The following TUSC3 variants were observed in gnomAD, a reference collection of about 807,000 sequenced individuals.
The protein encoded by TUSC3 is dolichyl-diphosphooligosaccharide--protein glycosyltransferase subunit TUSC3.
In TUSC3, 45 loss-of-function variants were observed where a neutral mutation model predicts 44.8. The observed-to-expected ratio is 1.00, with a 90% CI of 0.79 to 1.29. TUSC3 has a LOEUF of 1.29. Among genes scored for constraint, TUSC3 ranks in the 50% most tolerant of loss-of-function variants. The pLI is 0.00. For missense variants in TUSC3, 519 were observed against 437.9 expected (o/e 1.19, Z -1.65); for synonymous variants, 212 against 152.9 (o/e 1.39, Z -2.85).
intron 2 of TUSC3, among the ~76,000 whole-genome samples, chr8:15,646,961 G>A (rs1247109395): frequency 6.6e-6 from 1 of 151,488 alleles, no homozygotes; most frequent in African/African-American, 2.4e-5. Flanking sequence ...TGTGTTTTTT[G>A]TTCATTACCT....
the TUSC3 span, among the ~76,000 whole-genome samples, chr8:15,828,999 G>C: frequency 6.6e-6 from 1 of 152,138 alleles, no homozygotes; most frequent in African/African-American, 2.4e-5. Flanking sequence ...TCCAATTCTA[G>C]CAGAGTTCCT....
At chr8:15,847,006 A>G in the TUSC3 span, among the ~76,000 whole-genome samples, 125 of 152,266 alleles carry the variant, frequency 8.2e-4, 1 homozygote, top group Middle Eastern at 0.017. Context: ...TGATTTCAAA[A>G]GGAGTCTCTG....
At chr8:15,724,313 C>G (rs1011908745) in intron 6 of TUSC3, among the ~76,000 whole-genome samples, 2 of 152,032 alleles carry the variant, frequency 1.3e-5, no homozygotes, top group Non-Finnish European at 2.9e-5. Flanking sequence ...GGCAACCAAG[C>G]AGACTAAGAC....
intron 1 of TUSC3, among the ~76,000 whole-genome samples, chr8:15,425,326 C>T (rs1392993965): frequency 1.3e-5 from 2 of 152,118 alleles, no homozygotes; most frequent in African/African-American, 4.8e-5. Context: ...TTCTTTTTCG[C>T]CCTTAAGAAT....
At chr8:15,662,964 G>C (rs1005037011) in intron 5 of TUSC3, among the ~76,000 whole-genome samples, 2 of 151,850 alleles carry the variant, frequency 1.3e-5, no homozygotes, top group African/African-American at 4.8e-5. Context: ...CATAAGTGAA[G>C]CCTGGGATAT....
At chr8:15,633,398 C>T (rs998231752) in intron 2 of TUSC3, among the ~76,000 whole-genome samples, 11 of 152,086 alleles carry the variant, frequency 7.2e-5, no homozygotes, top group Non-Finnish European at 1.2e-4. Flanking sequence ...AAATTTCTTA[C>T]CTCCTGTTAT....
In TUSC3 at chr8:15,653,485, A is replaced by G. The variant is rs139925010; in HGVS notation, c.426+2671A>G. On this transcript the variant is annotated intron_variant, in intron 3 of 10. Coordinates refer to ENST00000503731, the MANE Select transcript of TUSC3 (RefSeq NM_006765.4). ...ACATATAATCATTAAATTCTTTTGTATGCTTTAGACATAATTATTCTAAAG... is the reference window on the plus strand; with the variant it reads ...ACATATAATCATTAAATTCTTTTGTGTGCTTTAGACATAATTATTCTAAAG... Among the ~76,000 whole-genome samples, 707 of 152,298 alleles carry G rather than the reference A, an allele frequency of 4.6e-3. 5 individuals are homozygous for G. The highest frequency in any genetic ancestry group is 0.016 in the African/African-American group (681 of 41,572).
intron 6 of TUSC3, among the ~76,000 whole-genome samples, chr8:15,690,203 A>G (rs776663201): frequency 1.4e-4 from 21 of 152,086 alleles, no homozygotes; most frequent in Admixed American, 2.6e-4. Flanking sequence ...TTTAATAGGC[A>G]TTCTGATTGG....
At chr8:15,657,055 G>C (rs1380847499) in intron 3 of TUSC3, among the ~76,000 whole-genome samples, 1 of 152,090 alleles carries the variant, frequency 6.6e-6, no homozygotes, top group Admixed American at 6.5e-5. Context: ...AGATACCCCA[G>C]GTTTTCCCCC....
chr8:15,612,513 T>C (rs1278115237), intron 1 of TUSC3, among the ~76,000 whole-genome samples: 1 of 152,126 alleles, frequency 6.6e-6, no homozygotes, highest in East Asian at 1.9e-4. Context: ...TGAGAAAAAA[T>C]GGAGTGGTGT....
chr8:15,755,467 G>A (rs1585307787), intron 9 of TUSC3, among the ~76,000 whole-genome samples: 1 of 152,174 alleles, frequency 6.6e-6, no homozygotes, highest in Admixed American at 6.5e-5. Context: ...ATAGTTGCAT[G>A]ATTCAGTTGA....
intron 1 of TUSC3, among the ~76,000 whole-genome samples, chr8:15,601,314 A>G (rs1804280645): frequency 1.3e-5 from 2 of 151,600 alleles, no homozygotes; most frequent in Non-Finnish European, 3.0e-5. Context: ...ATTTCCTCAA[A>G]CTGTTCTGTG....
chr8:15,631,665 C>CTAT (rs1805768274), intron 2 of TUSC3, among the ~76,000 whole-genome samples: 1 of 127,750 alleles, frequency 7.8e-6, no homozygotes, highest in East Asian at 2.3e-4. Flanking sequence ...GAGTTTAAGG[C>CTAT]TGTTGTGTGT....
chr8:15,457,825 T>TAA (rs34120976), intron 1 of TUSC3, among the ~76,000 whole-genome samples: 1 of 143,682 alleles, frequency 7.0e-6, no homozygotes, highest in African/African-American at 2.5e-5. Context: ...AGATAATTAA[T>TAA]TATTAATAAA....
intron 1 of TUSC3, among the ~76,000 whole-genome samples, chr8:15,457,548 A>G (rs1341467687): frequency 1.3e-5 from 2 of 151,088 alleles, no homozygotes; most frequent in Non-Finnish European, 3.0e-5. Flanking sequence ...TAATTACGCA[A>G]TCATGAGAAC....
chr8:15,582,281 C>A (rs138815751), intron 1 of TUSC3, among the ~76,000 whole-genome samples: 3 of 152,170 alleles, frequency 2.0e-5, no homozygotes, highest in African/African-American at 4.8e-5. Context: ...GGGTCGCTCA[C>A]GCTGGGAGCT....
At chr8:15,457,909 A>C (rs1191768780) in intron 1 of TUSC3, among the ~76,000 whole-genome samples, 1 of 150,020 alleles carries the variant, frequency 6.7e-6, no homozygotes, top group East Asian at 1.9e-4. Context: ...ATAATTACTA[A>C]TTGAATAATA....
chr8:15,844,771 C>T, the TUSC3 span, among the ~76,000 whole-genome samples: 1 of 152,062 alleles, frequency 6.6e-6, no homozygotes, highest in Non-Finnish European at 1.5e-5. Context: ...AGATTACCAA[C>T]CTGTGACTTT....
At chr8:15,490,775 A>G (rs1198245298) in intron 2 of TUSC3, among the ~76,000 whole-genome samples, 2 of 152,208 alleles carry the variant, frequency 1.3e-5, no homozygotes, top group East Asian at 1.9e-4. Context: ...CACCAAAACA[A>G]TCTGTTACAG....
Sources: allele counts gnomAD v4.1 joint callset (sites outside exome capture counted in the v4.1 genomes callset), GRCh38; gene constraint gnomAD v4.1.1; transcripts MANE v1.5; gene names NCBI Gene and HGNC (gene_info 2026-07-23, HGNC 2026-07-21).